The following RIN2 variants were observed in gnomAD, a reference collection of about 807,000 sequenced individuals.
RIN2 encodes RAB5 interacting protein 2.
In RIN2, 36 loss-of-function variants were observed where a neutral mutation model predicts 78.0. The observed-to-expected ratio is 0.46, with a 90% CI of 0.35 to 0.61. The LOEUF (loss-of-function observed/expected upper bound fraction) is 0.61, where lower values mean the gene tolerates loss of function less well. RIN2 is among the 20% of genes least tolerant of loss of function. RIN2 has a pLI of 0.00. For missense variants in RIN2, 1,087 were observed against 1,159.7 expected (o/e 0.94, Z 0.91); for synonymous variants, 466 against 466.8 (o/e 1.00, Z 0.02).
intron 1 of RIN2, among the ~76,000 whole-genome samples, chr20:19,763,259 G>A (rs1036893017): frequency 2.6e-5 from 4 of 152,058 alleles, no homozygotes; most frequent in African/African-American, 4.8e-5. Flanking sequence ...CTGGTGGCAG[G>A]CCCCTGTAGT....
At chr20:19,864,108 T>C (rs1043719983) in intron 2 of RIN2, among the ~76,000 whole-genome samples, 3 of 151,930 alleles carry the variant, frequency 2.0e-5, no homozygotes, top group Non-Finnish European at 4.4e-5. Flanking sequence ...GTATTAAGAT[T>C]TAATGGAGGG....
intron 3 of RIN2, among the ~76,000 whole-genome samples, chr20:19,924,502 C>G (rs1330066582): frequency 8.3e-6 from 1 of 120,988 alleles, no homozygotes; most frequent in African/African-American, 2.9e-5. Context: ...CCTTCATACC[C>G]CCACCTTCAC....
chr20:19,836,365 G>A (rs987088324), intron 2 of RIN2, among the ~76,000 whole-genome samples: 5 of 152,114 alleles, frequency 3.3e-5, no homozygotes, highest in African/African-American at 1.2e-4. Context: ...CTAAATTAAA[G>A]GATTAATCCT....
At chr20:19,972,221 G>A (rs1190186330) in intron 8 of RIN2, among the ~76,000 whole-genome samples, 1 of 152,172 alleles carries the variant, frequency 6.6e-6, no homozygotes, top group Non-Finnish European at 1.5e-5. Flanking sequence ...TTTGGAGAGA[G>A]ATTAAAATAC....
intron 1 of RIN2, among the ~76,000 whole-genome samples, chr20:19,758,855 T>G: frequency 6.6e-6 from 1 of 152,164 alleles, no homozygotes; most frequent in Admixed American, 6.5e-5. Flanking sequence ...GTCCAGCCAG[T>G]GTGCAGGGCA....
chr20:19,844,698 CTCTTCTTCTTCTTCTTCT>C lies in RIN2; in HGVS notation c.-36-44839_-36-44822del, dbSNP rs869169793. ...CTTCTTCTTCTTCCTCTTCCTCTTC[CTCTTCTTCTTCTTCTTCT>C]TCTTCTTCTTCTTCTTCTTCTTCTT... On this transcript the variant is annotated intron_variant, in intron 2 of 12. Transcript: ENST00000255006. Among the ~76,000 whole-genome samples, 34 of 26,346 alleles carry C rather than the reference CTCTTCTTCTTCTTCTTCT, an allele frequency of 1.3e-3. 1 individual carries two copies. The highest frequency in any genetic ancestry group is 4.5e-3 in the East Asian group (3 of 664). 17.3% of individuals were successfully genotyped at this position (26,346 alleles called of 152,430 possible). A position where few individuals can be genotyped will look rare whatever the true frequency, so the allele number is the denominator to read the frequency against.
rs530086537 is a variant in RIN2 at position 19,905,117 on chromosome 20, T to A, written c.57+15459T>A. 5.3e-5 allele frequency among the ~76,000 whole-genome samples: 8 copies of A among 152,248 alleles called. No homozygotes were observed. The South Asian group carries it at 1.7e-3, about 32-fold the overall frequency. Reference sequence around the variant, plus strand: ...CACTTTCTGGTCTTTATTGTACAGGTCCCCTTGACCTGGCTGGGGTCTTTA... The same window carrying A: ...CACTTTCTGGTCTTTATTGTACAGGACCCCTTGACCTGGCTGGGGTCTTTA... On this transcript the variant is annotated intron_variant, in intron 3 of 12. Transcript: ENST00000255006.
intron 2 of RIN2, among the ~76,000 whole-genome samples, chr20:19,856,638 A>G (rs1437684052): frequency 1.4e-5 from 2 of 146,502 alleles, no homozygotes; most frequent in Non-Finnish European, 3.0e-5. Context: ...GGAAGGAAGG[A>G]AGGGAGGGAG....
intron 4 of RIN2, among the ~76,000 whole-genome samples, chr20:19,936,048 G>A (rs2040626515): frequency 6.6e-6 from 1 of 152,202 alleles, no homozygotes; most frequent in African/African-American, 2.4e-5. Context: ...GATGGTTCTG[G>A]TTGTCCAGGC....
intron 1 of RIN2, among the ~76,000 whole-genome samples, chr20:19,781,805 A>G (rs1418533802): frequency 6.6e-6 from 1 of 151,730 alleles, no homozygotes; most frequent in Non-Finnish European, 1.5e-5. Flanking sequence ...TTTCAAGAAA[A>G]GTATTTCCAG....
intron 2 of RIN2, among the ~76,000 whole-genome samples, chr20:19,801,587 C>T (rs1021933445): frequency 3.9e-5 from 6 of 152,352 alleles, no homozygotes; most frequent in East Asian, 1.9e-4. Context: ...TCCCAAAGTG[C>T]TGGGATTACA....
intron 1 of RIN2, among the ~76,000 whole-genome samples, chr20:19,777,682 A>G (rs1475769008): frequency 6.6e-6 from 1 of 152,262 alleles, no homozygotes; most frequent in Non-Finnish European, 1.5e-5. Context: ...GATCTTCCTT[A>G]TAATAAATGG....
intron 9 of RIN2, among the ~76,000 whole-genome samples, chr20:19,982,537 G>T (rs904068038): frequency 2.0e-5 from 3 of 152,290 alleles, no homozygotes; most frequent in Non-Finnish European, 4.4e-5. Context: ...GCGAGTGGTG[G>T]CTCAGAGGAA....
intron 3 of RIN2, 49 bp from the exon 4 acceptor site, chr20:19,935,050 G>A: frequency 7.0e-7 from 1 of 1,433,804 alleles, no homozygotes; most frequent in Non-Finnish European, 9.6e-7. Flanking sequence ...CTGTGGGCAT[G>A]CCACGCCTCT....
At chr20:19,963,650 G>T (rs1056630966) in intron 6 of RIN2, among the ~76,000 whole-genome samples, 3 of 151,188 alleles carry the variant, frequency 2.0e-5, no homozygotes, top group Non-Finnish European at 4.4e-5. Flanking sequence ...ATAAATGAGG[G>T]TATGAGTGAG....
intron 3 of RIN2, among the ~76,000 whole-genome samples, chr20:19,919,898 C>A (rs1043257918): frequency 2.0e-5 from 3 of 152,188 alleles, no homozygotes; most frequent in Non-Finnish European, 1.5e-5. Flanking sequence ...ACTCTATAAA[C>A]ACATCTTAAA....
At chr20:19,799,360 C>A (rs2035171302) in intron 1 of RIN2, among the ~76,000 whole-genome samples, 1 of 152,150 alleles carries the variant, frequency 6.6e-6, no homozygotes, top group South Asian at 2.1e-4. Context: ...TAATTAGTTC[C>A]ATTCATGAAA....
At chr20:19,784,770 T>C (rs1169141778) in intron 1 of RIN2, among the ~76,000 whole-genome samples, 1 of 151,788 alleles carries the variant, frequency 6.6e-6, no homozygotes, top group Admixed American at 6.6e-5. Context: ...GGAGTGTGCA[T>C]AGCCCGGGGT....
chr20:19,964,123 C>T (rs1406044243), intron 6 of RIN2, among the ~76,000 whole-genome samples: 1 of 152,116 alleles, frequency 6.6e-6, no homozygotes, highest in Non-Finnish European at 1.5e-5. Flanking sequence ...CTTGGCCTCA[C>T]AAAGTGCTGG....
Sources: gnomAD v4.1 joint callset for allele counts (sites outside exome capture counted in the v4.1 genomes callset) on GRCh38, gnomAD v4.1.1 for gene constraint, MANE v1.5 for transcripts, NCBI Gene and HGNC (gene_info 2026-07-23, HGNC 2026-07-21) for gene names.